The following ZNF267 variants were observed in gnomAD, a reference collection of about 807,000 sequenced individuals.
ZNF267 encodes zinc finger (C2H2).
ZNF267 carries 61 observed loss-of-function variants against 71.6 expected under a neutral mutation model. The observed-to-expected ratio is 0.85, with a 90% CI of 0.69 to 1.05. ZNF267 has a LOEUF of 1.05. Ranked by LOEUF, ZNF267 falls within the 50% of genes least tolerant of loss-of-function variation. The pLI is 0.00. For missense variants in ZNF267, 852 were observed against 870.0 expected (o/e 0.98, Z 0.26); for synonymous variants, 288 against 293.2 (o/e 0.98, Z 0.18).
At chr16:31,899,314 G>T (rs1485956895) in intron 3 of ZNF267, among the ~76,000 whole-genome samples, 1 of 152,160 alleles carries the variant, frequency 6.6e-6, no homozygotes, top group African/African-American at 2.4e-5. Flanking sequence ...TAAAAGAACA[G>T]AAATCACAAC....
chr16:31,878,728 C>T (rs1381989875), intron 1 of ZNF267, among the ~76,000 whole-genome samples: 1 of 152,180 alleles, frequency 6.6e-6, no homozygotes, highest in Non-Finnish European at 1.5e-5. Flanking sequence ...TCAATAGCAC[C>T]TTCCTCTCTT....
chr16:31,917,100 C>A lies in ZNF267; in HGVS notation c.*619C>A, dbSNP rs1261956324. On this transcript the variant is annotated 3_prime_UTR_variant, in exon 4 of 4. Coordinates refer to ENST00000300870, the MANE Select transcript of ZNF267 (RefSeq NM_003414.6). ...TATTTATATAATTCAGCTTTCAAAT[C>A]TGTTGCTGCTTTTCCTTAATCCGTG... 1 of 152,074 alleles carries A rather than the reference C, an allele frequency of 6.6e-6. No individual in the cohort carries two copies. The highest frequency in any genetic ancestry group is 1.5e-5 in the Non-Finnish European group (1 of 68,090). 9.4% of individuals were successfully genotyped at this position (152,074 alleles called of 1,614,324 possible).
intron 3 of ZNF267, among the ~76,000 whole-genome samples, chr16:31,892,814 C>T (rs2083970461): frequency 6.6e-6 from 1 of 152,228 alleles, no homozygotes; most frequent in Non-Finnish European, 1.5e-5. Flanking sequence ...GCAGCTCTGC[C>T]CCTGTGGCTT....
intron 1 of ZNF267, among the ~76,000 whole-genome samples, chr16:31,878,119 A>G (rs2083865077): frequency 6.6e-6 from 1 of 152,136 alleles, no homozygotes; most frequent in Non-Finnish European, 1.5e-5. Flanking sequence ...TTTGGCACCC[A>G]GTTGATGTTG....
chr16:31,884,360 T>C (rs1210610269), intron 1 of ZNF267, 138 bp from the exon 2 acceptor site: 1 of 1,049,760 alleles, frequency 9.5e-7, no homozygotes, highest in Non-Finnish European at 1.4e-6. Context: ...TAGAAAATAT[T>C]ACTGTGTTAA....
At position 31,916,504 on chromosome 16, in the gene ZNF267, T is replaced by A; in HGVS notation, c.*23T>A. On this transcript the variant is annotated 3_prime_UTR_variant, in exon 4 of 4. Coordinates refer to ENST00000300870, the MANE Select transcript of ZNF267 (RefSeq NM_003414.6). ...TAAAAATGTAAAACATGGAGCAGAT[T>A]TTTTACTTGTTACCCATGTCTTATT... 2 of 1,586,606 alleles carry A rather than the reference T, an allele frequency of 1.3e-6. No individual in the cohort carries two copies. Among genetic ancestry groups the A allele is most frequent in the Non-Finnish European group, 1.7e-6 (2 of 1,166,130 alleles).
chr16:31,881,664 CTTCTTCTTTTTT>C (rs1661233052), intron 1 of ZNF267, among the ~76,000 whole-genome samples: 1 of 142,684 alleles, frequency 7.0e-6, no homozygotes, highest in East Asian at 2.0e-4. Context: ...AATTCTTTTT[CTTCTTCTTTTTT>C]TTTTTTTTTT....
At chr16:31,883,846 T>C (rs998701461) in intron 1 of ZNF267, among the ~76,000 whole-genome samples, 3 of 152,236 alleles carry the variant, frequency 2.0e-5, no homozygotes, top group Admixed American at 6.5e-5. Context: ...CTTTGGGGCC[T>C]GAAGCATTAA....
At chr16:31,882,136 A>G (rs996237855) in intron 1 of ZNF267, among the ~76,000 whole-genome samples, 1 of 152,200 alleles carries the variant, frequency 6.6e-6, no homozygotes, top group Non-Finnish European at 1.5e-5. Flanking sequence ...AGGGGTTTAT[A>G]TGGCTTAACT....
At position 31,914,236 on chromosome 16, in the gene ZNF267, T is replaced by C. The variant is rs186671659; in HGVS notation, c.227-240T>C. 4.8e-5 allele frequency: 21 copies of C among 436,120 alleles called. No homozygotes were observed. In the East Asian group the frequency reaches 5.9e-4, roughly 12 times the overall value. 27.0% of individuals were successfully genotyped at this position (436,120 alleles called of 1,614,324 possible). ...AGATTTCTCCCCGCCATGCAGATGC[T>C]GCTGAGGGGCAAGGGCAAGGTGGCA... On this transcript the variant is annotated intron_variant, in intron 3 of 3. Transcript: ENST00000300870.
chr16:31,904,373 T>G (rs1220400121), intron 3 of ZNF267, among the ~76,000 whole-genome samples: 1 of 152,260 alleles, frequency 6.6e-6, no homozygotes. Context: ...ATCTGTCTAA[T>G]GTTGACAATG....
intron 3 of ZNF267, among the ~76,000 whole-genome samples, chr16:31,909,120 C>CTTTTTTTTTTTTT (rs34409182): frequency 4.0e-4 from 18 of 45,322 alleles, no homozygotes; most frequent in Non-Finnish European, 4.1e-4. Context: ...CTTTTCTTTT[C>CTTTTTTTTTTTTT]TTTTTTTTTT....
At chr16:31,901,608 G>T (rs1027967178) in intron 3 of ZNF267, among the ~76,000 whole-genome samples, 64 of 152,126 alleles carry the variant, frequency 4.2e-4, no homozygotes, top group African/African-American at 1.4e-3. Flanking sequence ...TTTGAGAAGT[G>T]TCTGTTCATA....
chr16:31,914,810 T>A lies in ZNF267; in HGVS notation c.561T>A (p.His187Gln). The A allele has an allele frequency of 6.2e-7, 1 of 1,612,478 alleles. No homozygotes were observed. Among genetic ancestry groups the A allele is most frequent in the South Asian group, 1.1e-5 (1 of 90,520 alleles). Residue 187 changes from histidine (H) to glutamine (Q), a missense_variant, in exon 4 of 4, where the codon CAT becomes CAA. His to Gln is a conservative substitution (Grantham distance 24). Transcript: ENST00000300870. ...AGGAAATAGATATTTGGGGAAAACA[T>A]CACATATATGATAAAACTTCAGTGT... is the stretch of plus-strand genomic sequence containing the variant. ...QQEEIDIWGK[H>Q]HIYDKTSVLF...
intron 3 of ZNF267, among the ~76,000 whole-genome samples, chr16:31,892,304 T>C (rs2083965633): frequency 6.6e-6 from 1 of 152,102 alleles, no homozygotes; most frequent in Non-Finnish European, 1.5e-5. Flanking sequence ...GTCACAAGAT[T>C]AGCACAGGAA....
chr16:31,900,757 C>CT (rs35863544), intron 3 of ZNF267, among the ~76,000 whole-genome samples: 83,807 of 129,650 alleles, frequency 0.65, 27,405 homozygotes, highest in Middle Eastern at 0.75. Context: ...AGAATTCTTT[C>CT]TTTTTTTTTT....
chr16:31,889,523 G>A (rs1287460351), intron 3 of ZNF267, among the ~76,000 whole-genome samples: 3 of 152,090 alleles, frequency 2.0e-5, no homozygotes, highest in Non-Finnish European at 4.4e-5. Context: ...TGGTTGTTCA[G>A]AAGCATGTTG....
Position 31,914,637 on chromosome 16 carries a change from G to A in ZNF267, c.388G>A (p.Asp130Asn), listed in dbSNP as rs770707746. Residue 130 changes from aspartate to asparagine, a missense_variant, in exon 4 of 4, where the codon GAT becomes AAT. Transcript: ENST00000300870. ...GTGTGAAGGGCACAATGGATGTTAT[G>A]ATGAAAAGACTTTTAAATATGATCA... The part of the protein sequence containing the change: ...EECEGHNGCY[D>N]EKTFKYDQFD... The A allele has an allele frequency of 5.6e-6, 9 of 1,613,884 alleles. No individual in the cohort carries two copies. Among genetic ancestry groups the A allele is most frequent in the Non-Finnish European group, 5.1e-6 (6 of 1,179,980 alleles).
chr16:31,916,959 G>T lies in ZNF267; in HGVS notation c.*478G>T, dbSNP rs926598951. 1 of 155,212 alleles carries T rather than the reference G, an allele frequency of 6.4e-6. No homozygotes were observed. The highest frequency in any genetic ancestry group is 6.3e-5 in the Admixed American group (1 of 15,850). The allele number at this position is 155,212 out of a possible 1,614,324, so 9.6% of individuals were successfully genotyped here. On this transcript the variant is annotated 3_prime_UTR_variant, in exon 4 of 4. Transcript: ENST00000300870. ...GAATAATCTAAAGGCAAAATAATTA[G>T]ATAATTTATTTGCTTATATGTTTTA...
Sources: gnomAD v4.1 joint callset for allele counts (sites outside exome capture counted in the v4.1 genomes callset) on GRCh38, gnomAD v4.1.1 for gene constraint, MANE v1.5 for transcripts, NCBI Gene and HGNC (gene_info 2026-07-23, HGNC 2026-07-21) for gene names.